The following ALLC variants were observed in gnomAD, a reference collection of about 807,000 sequenced individuals.
ALLC encodes the protein probable inactive allantoicase.
A neutral mutation model predicts 45.0 loss-of-function variants in ALLC; 40 were observed. The observed-to-expected ratio is 0.89, with a 90% CI of 0.69 to 1.16. The LOEUF (loss-of-function observed/expected upper bound fraction) is 1.16. ALLC is among the 50% of genes most tolerant of loss of function. ALLC has a pLI of 0.00. For synonymous variants in ALLC, 176 were observed against 178.1 expected, an observed-to-expected ratio of 0.99 and a Z score of 0.09; for missense variants, 488 against 493.1, an observed-to-expected ratio of 0.99 and a Z score of 0.10.
intron 1 of ALLC, among the ~76,000 whole-genome samples, chr2:3,668,179 A>G (rs1170252735): frequency 6.6e-6 from 1 of 152,158 alleles, no homozygotes; most frequent in East Asian, 1.9e-4. Context: ...TGACCTGTAA[A>G]TAGGAGATCA....
intron 3 of ALLC, 147 bp from the exon 4 acceptor site, chr2:3,678,321 G>A (rs1184107974): frequency 1.4e-5 from 9 of 633,000 alleles, no homozygotes; most frequent in Admixed American, 2.7e-5. Flanking sequence ...TCTGGAAGGG[G>A]CTAGCTGGGC....
At chr2:3,672,801 G>A (rs1666923108) in intron 2 of ALLC, among the ~76,000 whole-genome samples, 1 of 152,236 alleles carries the variant, frequency 6.6e-6, no homozygotes, top group Non-Finnish European at 1.5e-5. Flanking sequence ...AGTTAGACCT[G>A]TGGTCCTCTG....
chr2:3,656,168 T>C (rs575696997), upstream of ALLC, among the ~76,000 whole-genome samples: 1 of 152,334 alleles, frequency 6.6e-6, no homozygotes, highest in South Asian at 2.1e-4. Context: ...CATCGCAGGC[T>C]GATCTCCTTG....
chr2:3,697,668 TTTTA>T (rs1290566403), intron 10 of ALLC, among the ~76,000 whole-genome samples: 1 of 150,640 alleles, frequency 6.6e-6, no homozygotes, highest in East Asian at 2.0e-4. Flanking sequence ...TCTATCTATC[TTTTA>T]TTTATTTTTT....
upstream of ALLC, among the ~76,000 whole-genome samples, chr2:3,654,835 C>T (rs114331706): frequency 1.7e-3 from 252 of 152,356 alleles, 1 homozygote; most frequent in African/African-American, 5.3e-3. Context: ...GCCTGGAAGG[C>T]GCAGAAAGAG....
At chr2:3,679,777 G>A in intron 4 of ALLC, 92 bp from the exon 5 acceptor site, 1 of 1,556,748 alleles carries the variant, frequency 6.4e-7, no homozygotes, top group Non-Finnish European at 8.8e-7. Context: ...GGCCCCTGCT[G>A]TGGGTCAGGT....
At chr2:3,649,872 C>T in the ALLC span, among the ~76,000 whole-genome samples, 3 of 152,258 alleles carry the variant, frequency 2.0e-5, no homozygotes, top group Non-Finnish European at 4.4e-5. Context: ...AGACAGCGGC[C>T]CCAGCTGGGA....
chr2:3,701,779 C>T (rs1667847334), intron 11 of ALLC, 143 bp downstream of exon 11: 1 of 1,041,644 alleles, frequency 9.6e-7, no homozygotes, highest in Admixed American at 3.3e-5. Context: ...TATCTGCAAA[C>T]TTTAAGAAGA....
At chr2:3,648,741 C>T in the ALLC span, among the ~76,000 whole-genome samples, 5 of 152,208 alleles carry the variant, frequency 3.3e-5, no homozygotes, top group African/African-American at 9.6e-5. Flanking sequence ...TCCTGCAAAT[C>T]CATGTGGGCA....
At chr2:3,685,916 A>G (rs1667325558) in intron 7 of ALLC, among the ~76,000 whole-genome samples, 1 of 150,526 alleles carries the variant, frequency 6.6e-6, no homozygotes. Context: ...TTGCAAATAT[A>G]TTTTTTTCCA....
rs181501064 is a variant in ALLC, at chr2:3,690,612, T to A, written c.512-5105T>A. Among the ~76,000 whole-genome samples, 335 of 151,670 alleles carry A rather than the reference T, an allele frequency of 2.2e-3. 1 individual carries two copies. The highest frequency in any genetic ancestry group is 7.9e-3 in the African/African-American group (328 of 41,356). The stretch of plus-strand genomic sequence containing the variant: ...ATAAAAACATCTTATAACAAGTTAT[T>A]TTAAAGAGATGTCAACTCATCTTAG... On this transcript the variant is annotated intron_variant, in intron 7 of 11. Transcript: ENST00000252505.
intron 4 of ALLC, among the ~76,000 whole-genome samples, 195 bp from the exon 5 acceptor site, chr2:3,679,674 G>C (rs1161564547): frequency 1.3e-5 from 2 of 152,212 alleles, no homozygotes; most frequent in Non-Finnish European, 2.9e-5. Flanking sequence ...TTTCGTTGGG[G>C]AATGGTGGTC....
upstream of ALLC, among the ~76,000 whole-genome samples, chr2:3,657,728 C>T (rs1666474597): frequency 6.6e-6 from 1 of 152,196 alleles, no homozygotes; most frequent in Admixed American, 6.5e-5. Context: ...GGCAAGGTGC[C>T]CTTTCTTAAG....
At position 3,697,464 on chromosome 2, in the gene ALLC, C is replaced by T; in HGVS notation, c.850+8C>T. The T allele has an allele frequency of 6.2e-7, 1 of 1,607,022 alleles. No individual in the cohort carries two copies. ...ACACAAAATATTTTGAAGGTAAATG[C>T]AAAGCCATAAAGAAGTACCCTATAA... On this transcript the variant is annotated splice_region_variant and intron_variant, in intron 10 of 11. Transcript: ENST00000252505.
At chr2:3,670,615 C>T (rs145701820) in intron 1 of ALLC, among the ~76,000 whole-genome samples, 314 of 152,272 alleles carry the variant, frequency 2.1e-3, no homozygotes, top group African/African-American at 7.2e-3. Context: ...CTGGCCTGCG[C>T]GTCAGTGGAC....
chr2:3,659,161 GT>G (rs1666509434), intron 1 of ALLC, among the ~76,000 whole-genome samples: 1 of 152,150 alleles, frequency 6.6e-6, no homozygotes, highest in Non-Finnish European at 1.5e-5. Flanking sequence ...GCCCCTGAAG[GT>G]TTTCTTCTTT....
intron 2 of ALLC, 26 bp from the exon 3 acceptor site, chr2:3,674,049 C>A (rs1430335825): frequency 7.6e-6 from 6 of 794,052 alleles, no homozygotes; most frequent in Non-Finnish European, 8.8e-6. Context: ...GTTGCTTTAT[C>A]TTTCTTTCTT....
intron 7 of ALLC, among the ~76,000 whole-genome samples, chr2:3,684,769 G>GTA (rs1305438367): frequency 6.6e-6 from 1 of 151,896 alleles, no homozygotes; most frequent in African/African-American, 2.4e-5. Flanking sequence ...CATGGTATAT[G>GTA]TATATATACC....
At chr2:3,650,951 A>AT in the ALLC span, among the ~76,000 whole-genome samples, 1 of 152,242 alleles carries the variant, frequency 6.6e-6, no homozygotes, top group African/African-American at 2.4e-5. Flanking sequence ...TTTTATTCCC[A>AT]TAACTTCCGA....
Sources: allele counts gnomAD v4.1 joint callset (sites outside exome capture counted in the v4.1 genomes callset), GRCh38; gene constraint gnomAD v4.1.1; transcripts MANE v1.5; gene names NCBI Gene and HGNC (gene_info 2026-07-23, HGNC 2026-07-21).